Variants in TRDN observed in about 807,000 individuals in gnomAD.
The protein encoded by TRDN is triadin in skeletal muscle.
Under a neutral mutation model 149.7 loss-of-function variants are expected in TRDN, and 161 were observed. The observed-to-expected ratio is 1.08, with a 90% CI of 0.95 to 1.23. The LOEUF (loss-of-function observed/expected upper bound fraction) is 1.23, where lower values mean the gene tolerates loss of function less well. TRDN is among the 50% of genes most tolerant of loss of function. TRDN has a pLI of 0.00. For synonymous variants in TRDN, 294 were observed against 250.5 expected (o/e 1.17, Z -1.64); for missense variants, 896 against 823.5 (o/e 1.09, Z -1.08).
rs371021984 is a variant in TRDN at position 123,378,886 on chromosome 6, AG to A, written c.1187-989del. On this transcript the variant is annotated intron_variant, in intron 16 of 40. Transcript: ENST00000334268. ...CTTTTGTCAATATTGTATGAGACAA[AG>A]CATTATTTTGTTCTCAAGATTAAGC... Among the ~76,000 whole-genome samples the A allele has an allele frequency of 2.6e-3, 399 of 152,270 alleles. 2 individuals carry two copies. The Middle Eastern group carries it at 0.034, about 13-fold the overall frequency.
intron 24 of TRDN, among the ~76,000 whole-genome samples, chr6:123,315,545 T>C (rs1278349795): frequency 6.6e-6 from 1 of 151,980 alleles, no homozygotes; most frequent in Non-Finnish European, 1.5e-5. Flanking sequence ...TAAATATAGA[T>C]TAAAATTTGT....
At chr6:123,267,667 T>A in intron 32 of TRDN, 40 bp downstream of exon 32, 2 of 1,342,504 alleles carry the variant, frequency 1.5e-6, no homozygotes, top group South Asian at 2.9e-5. Flanking sequence ...ATAAAAATAG[T>A]GAACATAAGA....
At chr6:123,503,394 T>C in intron 8 of TRDN, 2 of 985,348 alleles carry the variant, frequency 2.0e-6, no homozygotes, top group Non-Finnish European at 2.4e-6. Flanking sequence ...ACATACAATC[T>C]TTATTCCACC....
intron 38 of TRDN, among the ~76,000 whole-genome samples, chr6:123,228,321 G>T (rs1188977622): frequency 6.6e-6 from 1 of 151,836 alleles, no homozygotes; most frequent in Non-Finnish European, 1.5e-5. Context: ...AAGCCATTCT[G>T]CCTGCATTAG....
At chr6:123,472,421 G>C (rs955344381) in intron 9 of TRDN, among the ~76,000 whole-genome samples, 5 of 152,224 alleles carry the variant, frequency 3.3e-5, no homozygotes, top group African/African-American at 1.2e-4. Context: ...CACCTGGCTC[G>C]GAGGGTCCTA....
At chr6:123,582,457 G>T (rs574986259) in intron 1 of TRDN, among the ~76,000 whole-genome samples, 1 of 150,824 alleles carries the variant, frequency 6.6e-6, no homozygotes, top group African/African-American at 2.4e-5. Flanking sequence ...AGATAGGGGT[G>T]GGGCCGTTTT....
chr6:123,487,035 T>C (rs1778004086), intron 9 of TRDN, among the ~76,000 whole-genome samples: 1 of 151,948 alleles, frequency 6.6e-6, no homozygotes, highest in Admixed American at 6.6e-5. Context: ...TCTGAAAAAA[T>C]ATTTTTCTGT....
intron 20 of TRDN, among the ~76,000 whole-genome samples, chr6:123,357,335 G>C (rs1242089675): frequency 6.6e-6 from 1 of 152,016 alleles, no homozygotes; most frequent in Admixed American, 6.6e-5. Context: ...CAGTTTCAAT[G>C]TTAGTGGTTT....
intron 12 of TRDN, among the ~76,000 whole-genome samples, chr6:123,412,271 G>T (rs1472601514): frequency 1.3e-5 from 2 of 152,194 alleles, no homozygotes; most frequent in African/African-American, 4.8e-5. Flanking sequence ...GAGCTGGGGA[G>T]AACATGGTAA....
chr6:123,323,597 G>A (rs1779338600), intron 23 of TRDN, among the ~76,000 whole-genome samples: 1 of 152,152 alleles, frequency 6.6e-6, no homozygotes, highest in Admixed American at 6.6e-5. Context: ...TCCTGATTCT[G>A]CAATCCTTCC....
In TRDN at chr6:123,546,978, T is replaced by C. The variant is rs750162310; in HGVS notation, c.424+362A>G. Among the ~76,000 whole-genome samples, 17 of 152,046 alleles carry C rather than the reference T, an allele frequency of 1.1e-4. 1 individual carries two copies. Among genetic ancestry groups the C allele is most frequent in the Middle Eastern group, 6.3e-3 (2 of 316 alleles). The stretch of plus-strand genomic sequence containing the variant: ...AAAAATAAAAGGAAAAGAATAAGAA[T>C]AAACATTTAAAATCAATAAATCTGA... On this transcript the variant is annotated intron_variant, in intron 4 of 40. Transcript: ENST00000334268.
chr6:123,499,719 A>ATATATATAT (rs1554249831), intron 8 of TRDN, among the ~76,000 whole-genome samples: 1 of 47,678 alleles, frequency 2.1e-5, no homozygotes, highest in African/African-American at 7.2e-5. Flanking sequence ...AAAAAAAAAA[A>ATATATATAT]ATATATATAT....
At chr6:123,274,503 A>T (rs1777305491) in intron 27 of TRDN, 138 bp downstream of exon 27, 1 of 662,216 alleles carries the variant, frequency 1.5e-6, no homozygotes, top group African/African-American at 1.9e-5. Flanking sequence ...AATCATGTTG[A>T]GCAATGGAGT....
chr6:123,386,268 TG>T (rs1312805594), intron 14 of TRDN, among the ~76,000 whole-genome samples: 1 of 152,148 alleles, frequency 6.6e-6, no homozygotes, highest in African/African-American at 2.4e-5. Context: ...TATTTTTAAT[TG>T]GTAGTATCAG....
chr6:123,439,126 A>C lies in TRDN; in HGVS notation c.932-123T>G, dbSNP rs188025178. The C allele has an allele frequency of 4.3e-4, 287 of 665,730 alleles. 4 individuals are homozygous for C. Among genetic ancestry groups the C allele is most frequent in the East Asian group, 3.1e-3 (113 of 36,218 alleles). 41.2% of individuals were successfully genotyped at this position (665,730 alleles called of 1,614,324 possible). ...CAGCTAGCTTTGTGACTGAGCAAGT[A>C]ATTTAATCCCACTAAGTCTTATTTT... On this transcript the variant is annotated intron_variant, in intron 10 of 40. Transcript: ENST00000334268.
At chr6:123,245,248 T>A (rs1453123151) in intron 38 of TRDN, among the ~76,000 whole-genome samples, 1 of 152,072 alleles carries the variant, frequency 6.6e-6, no homozygotes, top group Non-Finnish European at 1.5e-5. Context: ...CATAACAATG[T>A]TAACCTTAAA....
intron 1 of TRDN, among the ~76,000 whole-genome samples, chr6:123,603,700 C>G (rs1035928236): frequency 1.3e-5 from 2 of 152,082 alleles, no homozygotes; most frequent in Non-Finnish European, 2.9e-5. Context: ...TTGCTTACTG[C>G]CATTGTCCAT....
At chr6:123,519,702 A>G (rs867205582) in intron 5 of TRDN, among the ~76,000 whole-genome samples, 13 of 151,436 alleles carry the variant, frequency 8.6e-5, no homozygotes, top group African/African-American at 2.9e-4. Context: ...AGACTACTGC[A>G]TAGGACTAAT....
chr6:123,515,348 T>G (rs538739886), intron 6 of TRDN, among the ~76,000 whole-genome samples: 1 of 151,928 alleles, frequency 6.6e-6, no homozygotes, highest in Non-Finnish European at 1.5e-5. Context: ...AATGAAGAAC[T>G]TAATGAATAA....
Sources: allele counts gnomAD v4.1 joint callset (sites outside exome capture counted in the v4.1 genomes callset), GRCh38; gene constraint gnomAD v4.1.1; transcripts MANE v1.5; gene names NCBI Gene and HGNC (gene_info 2026-07-23, HGNC 2026-07-21).